Variants in ADAM7 observed in about 807,000 individuals in gnomAD.
ADAM7 encodes ADAM metallopeptidase domain 7.
In ADAM7, 97 loss-of-function variants were observed where a neutral mutation model predicts 102.9. That is an observed-to-expected ratio of 0.94 (90% confidence interval 0.80 to 1.12). ADAM7 has a LOEUF of 1.12. Among genes scored for constraint, ADAM7 ranks in the 50% most tolerant of loss-of-function variants. ADAM7 has a pLI of 0.00. For synonymous variants in ADAM7, 334 were observed against 304.4 expected (o/e 1.10, Z -1.01); for missense variants, 991 against 908.7 (o/e 1.09, Z -1.16).
Position 24,468,592 on chromosome 8 carries a change from C to A in ADAM7, c.580-175C>A, listed in dbSNP as rs116539597. On this transcript the variant is annotated intron_variant, in intron 6 of 21. Coordinates refer to ENST00000175238, the MANE Select transcript of ADAM7 (RefSeq NM_003817.4). Reference sequence around the variant, plus strand: ...CGATGTATAGGACCCCATGTTTAATCGTATAGATCTCATTTAGATAAATTC... The same window carrying A: ...CGATGTATAGGACCCCATGTTTAATAGTATAGATCTCATTTAGATAAATTC... Among the ~76,000 whole-genome samples, 432 of 152,072 alleles carry A rather than the reference C, an allele frequency of 2.8e-3. 4 individuals carry two copies. Among genetic ancestry groups the A allele is most frequent in the African/African-American group, 9.7e-3 (404 of 41,474 alleles).
chr8:24,476,534 C>G (rs977895765), intron 8 of ADAM7, 30 bp downstream of exon 8: 3 of 1,540,748 alleles, frequency 1.9e-6, no homozygotes, highest in South Asian at 1.1e-5. Context: ...TTGAATCAAG[C>G]CAATAATACG....
intron 3 of ADAM7, among the ~76,000 whole-genome samples, chr8:24,457,870 G>GAGTGTGTA (rs56688628): frequency 1.3e-5 from 2 of 151,342 alleles, no homozygotes; most frequent in African/African-American, 2.4e-5. Flanking sequence ...GTGAGTGTGT[G>GAGTGTGTA]TGTGTGTGTG....
At chr8:24,481,561 T>A (rs1186362538) in intron 8 of ADAM7, among the ~76,000 whole-genome samples, 1 of 152,198 alleles carries the variant, frequency 6.6e-6, no homozygotes, top group Non-Finnish European at 1.5e-5. Context: ...ATCACCCAGG[T>A]GTTTACAGAG....
Position 24,485,378 on chromosome 8 carries a change from T to A in ADAM7, c.960+17T>A. Reference sequence around the variant, plus strand: ...ATCATTAAGGTGGGCTGTGTTTTATTTATATTACTTAATAATGTTTGAATA... The same window carrying A: ...ATCATTAAGGTGGGCTGTGTTTTATATATATTACTTAATAATGTTTGAATA... On this transcript the variant is annotated intron_variant, in intron 10 of 21. Coordinates refer to ENST00000175238, the MANE Select transcript of ADAM7 (RefSeq NM_003817.4). 1 of 1,598,722 alleles carries A rather than the reference T, an allele frequency of 6.3e-7. No homozygotes were observed. Among genetic ancestry groups the A allele is most frequent in the East Asian group, 2.2e-5 (1 of 44,732 alleles).
chr8:24,468,351 C>T (rs560820446), intron 6 of ADAM7, among the ~76,000 whole-genome samples: 103 of 151,182 alleles, frequency 6.8e-4, no homozygotes, highest in African/African-American at 2.2e-3. Flanking sequence ...TCTTATTTGA[C>T]CTGAAAGCCT....
In ADAM7 at chr8:24,492,608, T is replaced by C. The variant is rs1432897273; in HGVS notation, c.1655+11T>C. On this transcript the variant is annotated intron_variant, in intron 15 of 21. Transcript: ENST00000175238. The stretch of plus-strand genomic sequence containing the variant: ...TCCCTGTGAGGAGAAGTAAGTGCCC[T>C]GTGGAAAAAAAGTAATTTGCCTTCT... 3.1e-6 allele frequency: 5 copies of C among 1,601,380 alleles called. No individual in the cohort carries two copies. Among genetic ancestry groups the C allele is most frequent in the East Asian group, 4.5e-5 (2 of 44,734 alleles).
chr8:24,487,618 AG>A (rs748387314), intron 11 of ADAM7, among the ~76,000 whole-genome samples: 56 of 151,784 alleles, frequency 3.7e-4, no homozygotes, highest in Non-Finnish European at 7.5e-4. Flanking sequence ...CTGGGCAACA[AG>A]AGCAAAACTC....
intron 8 of ADAM7, among the ~76,000 whole-genome samples, chr8:24,478,672 T>C (rs537708905): frequency 6.6e-6 from 1 of 152,280 alleles, no homozygotes; most frequent in Admixed American, 6.5e-5. Flanking sequence ...CTTCAACATA[T>C]TATGGATAAC....
intron 3 of ADAM7, among the ~76,000 whole-genome samples, chr8:24,461,992 CTT>C (rs1217919398): frequency 6.6e-6 from 1 of 152,182 alleles, no homozygotes; most frequent in African/African-American, 2.4e-5. Flanking sequence ...TGCTGATCAT[CTT>C]TTCTCTTGAC....
intron 3 of ADAM7, among the ~76,000 whole-genome samples, chr8:24,447,920 C>T (rs1304764068): frequency 7.2e-6 from 1 of 139,860 alleles, no homozygotes; most frequent in African/African-American, 2.6e-5. Flanking sequence ...GGTCTATTAG[C>T]TAAAAGTAAA....
At chr8:24,451,557 T>C (rs1818790197) in intron 3 of ADAM7, among the ~76,000 whole-genome samples, 1 of 152,210 alleles carries the variant, frequency 6.6e-6, no homozygotes, top group Non-Finnish European at 1.5e-5. Context: ...TTTATTAGTC[T>C]TGCTAGTGGT....
intron 20 of ADAM7, chr8:24,506,172 C>T (rs1585939773): frequency 6.5e-7 from 1 of 1,539,638 alleles, no homozygotes. Context: ...TTCCCCTCCC[C>T]TTCCTCTTGG....
chr8:24,487,203 C>G lies in ADAM7; in HGVS notation c.977C>G (p.Thr326Arg). Reference protein sequence around the residue: ...TSIIKDLLPDTNIIANRMAHQ... With the variant: ...TSIIKDLLPDRNIIANRMAHQ... ...TATCATCAGGATCTTTTACCTGACA[C>G]AAACATAATTGCAAACAGAATGGCA... Residue 326 changes from threonine (T) to arginine (R), a missense_variant, in exon 11 of 22, where the codon ACA becomes AGA. Transcript: ENST00000175238. 6.2e-7 allele frequency: 1 copy of G among 1,613,636 alleles called. No individual in the cohort carries two copies. The highest frequency in any genetic ancestry group is 1.1e-5 in the South Asian group (1 of 91,070).
In ADAM7 at chr8:24,499,834, CAT is replaced by C. The variant is rs1391289717; in HGVS notation, c.1924-343_1924-342del. On this transcript the variant is annotated intron_variant, in intron 17 of 21. Coordinates refer to ENST00000175238, the MANE Select transcript of ADAM7 (RefSeq NM_003817.4). ...CACACACACACACACACACATCACA[CAT>C]CACACACACACACACACATACATAT... is the stretch of plus-strand genomic sequence containing the variant. Among the ~76,000 whole-genome samples, 3 of 146,556 alleles carry C rather than the reference CAT, an allele frequency of 2.0e-5. No individual in the cohort carries two copies. In the East Asian group the frequency reaches 5.9e-4, roughly 29 times the overall value.
chr8:24,446,626 A>G (rs1051866994), intron 2 of ADAM7, among the ~76,000 whole-genome samples: 1 of 152,026 alleles, frequency 6.6e-6, no homozygotes, highest in Admixed American at 6.6e-5. Context: ...CACATACTAT[A>G]AAAAATTTAT....
At chr8:24,476,301 A>G (rs1819764625) in intron 7 of ADAM7, 132 bp from the exon 8 acceptor site, 1 of 623,562 alleles carries the variant, frequency 1.6e-6, no homozygotes. Context: ...TTTTAGCTGA[A>G]TGAAAGGAGT....
chr8:24,471,322 T>G (rs1819595099), intron 7 of ADAM7, among the ~76,000 whole-genome samples: 2 of 152,192 alleles, frequency 1.3e-5, no homozygotes, highest in Middle Eastern at 3.4e-3. Flanking sequence ...TAGCCAAGTA[T>G]AGAGTGTTTA....
At chr8:24,457,496 G>C (rs1819079422) in intron 3 of ADAM7, among the ~76,000 whole-genome samples, 1 of 152,060 alleles carries the variant, frequency 6.6e-6, no homozygotes, top group Non-Finnish European at 1.5e-5. Context: ...GGCTGGTCTT[G>C]AACTCCTAAG....
In ADAM7 at chr8:24,481,585, G is replaced by T. The variant is rs78504471; in HGVS notation, c.706-557G>T. ...GTGTTTACAGAGCAGGTAGAAATAG[G>T]TGTGAGGTTTATAGGCTACAACTAT... On this transcript the variant is annotated intron_variant, in intron 8 of 21. Coordinates refer to ENST00000175238, the MANE Select transcript of ADAM7 (RefSeq NM_003817.4). Among the ~76,000 whole-genome samples, 972 of 152,296 alleles carry T rather than the reference G, an allele frequency of 6.4e-3. 12 individuals carry two copies. Among genetic ancestry groups the T allele is most frequent in the African/African-American group, 0.022 (926 of 41,568 alleles).
Sources: gnomAD v4.1 joint callset for allele counts (sites outside exome capture counted in the v4.1 genomes callset) on GRCh38, gnomAD v4.1.1 for gene constraint, MANE v1.5 for transcripts, NCBI Gene and HGNC (gene_info 2026-07-23, HGNC 2026-07-21) for gene names.